Variants in NREP observed in about 807,000 individuals in gnomAD.
NREP encodes neuronal regeneration related protein, also known as neuronal regeneration-related protein.
Under a neutral mutation model 8.6 loss-of-function variants are expected in NREP, and 5 were observed. The ratio of observed to expected loss-of-function variants is 0.58; its 90% CI spans 0.30 to 1.22. The LOEUF (loss-of-function observed/expected upper bound fraction) is 1.22. Ranked by LOEUF, NREP falls within the 50% of genes most tolerant of loss-of-function variation. The pLI, the probability that NREP is intolerant of heterozygous loss-of-function variation, is 0.07. For missense variants in NREP, 86 were observed against 82.5 expected (o/e 1.04, Z -0.17); for synonymous variants, 27 against 28.0 (o/e 0.96, Z 0.11).
At chr5:111,756,056 G>A (rs1182717505) in intron 1 of NREP, 5 of 1,241,076 alleles carry the variant, frequency 4.0e-6, no homozygotes, top group Non-Finnish European at 5.1e-6. Flanking sequence ...AGAGTCCTGG[G>A]CTATTCTTAG....
At chr5:111,762,953 G>C (rs1311916123) in intron 2 of NREP, among the ~76,000 whole-genome samples, 1 of 152,216 alleles carries the variant, frequency 6.6e-6, no homozygotes, top group Non-Finnish European at 1.5e-5. Flanking sequence ...TCCAAACCCA[G>C]AAGGTTGCTT....
intron 2 of NREP, among the ~76,000 whole-genome samples, chr5:111,919,875 GAAAGAAAGAA>G (rs1561346129): frequency 5.3e-5 from 7 of 132,694 alleles, no homozygotes; most frequent in African/African-American, 1.9e-4. Flanking sequence ...GAGAGAGAAA[GAAAGAAAGAA>G]AGAAAGAAAG....
chr5:111,740,144 T>C (rs1749524477), intron 2 of NREP, among the ~76,000 whole-genome samples: 1 of 152,178 alleles, frequency 6.6e-6, no homozygotes, highest in African/African-American at 2.4e-5. Flanking sequence ...AATGCATCTT[T>C]TTCTATGATG....
In NREP at chr5:111,747,160, T is replaced by C. The variant is rs191652695; in HGVS notation, c.3+8610A>G. ...TAATATCAAACCCTTACTTGGGTCA[T>C]GTTTATAAGCACCTTAGTCAATAAG... On this transcript the variant is annotated intron_variant, in intron 2 of 3. Coordinates refer to ENST00000257435, the MANE Select transcript of NREP (RefSeq NM_004772.4). 2.6e-3 allele frequency among the ~76,000 whole-genome samples: 393 copies of C among 152,290 alleles called. 2 individuals carry two copies. The highest frequency in any genetic ancestry group is 9.2e-3 in the African/African-American group (382 of 41,570).
intron 2 of NREP, among the ~76,000 whole-genome samples, chr5:111,902,574 C>A (rs1056948683): frequency 1.4e-4 from 22 of 152,174 alleles, no homozygotes; most frequent in African/African-American, 5.1e-4. Context: ...GCAGACTGTT[C>A]AAGAGCAAAG....
intron 2 of NREP, among the ~76,000 whole-genome samples, chr5:111,907,700 T>C (rs1463643952): frequency 6.6e-6 from 1 of 152,098 alleles, no homozygotes; most frequent in Non-Finnish European, 1.5e-5. Context: ...ATTGTAAAAT[T>C]CTGCTGTTCC....
At chr5:111,839,831 C>T (rs1249647577) in intron 2 of NREP, among the ~76,000 whole-genome samples, 1 of 151,808 alleles carries the variant, frequency 6.6e-6, no homozygotes. Flanking sequence ...TTACAAAGCC[C>T]TTTCACATAT....
At chr5:111,917,396 C>T (rs1581216758) in intron 2 of NREP, among the ~76,000 whole-genome samples, 1 of 151,972 alleles carries the variant, frequency 6.6e-6, no homozygotes, top group Non-Finnish European at 1.5e-5. Context: ...ACCTGGCAGA[C>T]ACACAACAAA....
chr5:111,897,604 G>A (rs904487476), intron 2 of NREP, among the ~76,000 whole-genome samples: 2 of 152,006 alleles, frequency 1.3e-5, no homozygotes, highest in Admixed American at 1.3e-4. Flanking sequence ...CTTCTTTGAT[G>A]TCATCCTAAC....
At chr5:111,886,372 T>A (rs1489415013) in intron 2 of NREP, among the ~76,000 whole-genome samples, 12 of 151,706 alleles carry the variant, frequency 7.9e-5, no homozygotes, top group Non-Finnish European at 1.8e-4. Context: ...ACACTGTTGG[T>A]GGGACTGTAA....
intron 2 of NREP, among the ~76,000 whole-genome samples, chr5:111,929,935 T>C (rs1052015120): frequency 6.6e-6 from 1 of 152,194 alleles, no homozygotes; most frequent in Admixed American, 6.5e-5. Flanking sequence ...ATTCCTTCAT[T>C]TCCTTTCCTT....
intron 2 of NREP, among the ~76,000 whole-genome samples, chr5:111,800,170 C>T (rs1041059720): frequency 9.9e-5 from 15 of 151,140 alleles, no homozygotes; most frequent in South Asian, 4.2e-4. Flanking sequence ...CCTTGTGATT[C>T]GCCCGCCTCG....
chr5:111,745,330 C>G (rs1749932515), intron 2 of NREP, among the ~76,000 whole-genome samples: 1 of 152,160 alleles, frequency 6.6e-6, no homozygotes, highest in African/African-American at 2.4e-5. Flanking sequence ...GAGGAAAGAC[C>G]AGTCTTAGAG....
intron 2 of NREP, among the ~76,000 whole-genome samples, chr5:111,762,788 G>T (rs888019881): frequency 6.6e-6 from 1 of 152,156 alleles, no homozygotes; most frequent in Non-Finnish European, 1.5e-5. Flanking sequence ...CTTTGTTATC[G>T]CAACCGTGGG....
intron 2 of NREP, among the ~76,000 whole-genome samples, chr5:111,963,996 C>T (rs1756557042): frequency 6.6e-6 from 1 of 152,166 alleles, no homozygotes; most frequent in South Asian, 2.1e-4. Context: ...AATAATAATG[C>T]AAGCACTTGT....
chr5:111,914,812 C>T (rs956248270), intron 2 of NREP, among the ~76,000 whole-genome samples: 1 of 152,150 alleles, frequency 6.6e-6, no homozygotes, highest in Non-Finnish European at 1.5e-5. Flanking sequence ...TAAGGTTGAA[C>T]GTTTGTCTTA....
chr5:111,941,149 G>A lies in NREP; in HGVS notation c.135+34125C>T, dbSNP rs991932724. On this transcript the variant is annotated intron_variant, in intron 2 of 3. Coordinates refer to the NREP transcript ENST00000395634. ...GGACATCAAACTTTTCTTTCACAAA[G>A]GAATTGTAAATAGGCATTCAATTGC... is the stretch of plus-strand genomic sequence containing the variant. 3.3e-5 allele frequency among the ~76,000 whole-genome samples: 5 copies of A among 152,032 alleles called. 1 individual carries two copies. The highest frequency in any genetic ancestry group is 1.2e-4 in the African/African-American group (5 of 41,414).
At chr5:111,834,671 G>A (rs1752851887) in intron 2 of NREP, among the ~76,000 whole-genome samples, 1 of 152,150 alleles carries the variant, frequency 6.6e-6, no homozygotes, top group African/African-American at 2.4e-5. Flanking sequence ...GAGTTGAAGA[G>A]CCAGTTTTGC....
At chr5:111,731,521 T>A (rs1748576674) in intron 3 of NREP, among the ~76,000 whole-genome samples, 2 of 152,064 alleles carry the variant, frequency 1.3e-5, no homozygotes, top group African/African-American at 4.8e-5. Context: ...AAAACGTATC[T>A]CAACTTGCAT....
Sources: allele counts gnomAD v4.1 joint callset (sites outside exome capture counted in the v4.1 genomes callset), GRCh38; gene constraint gnomAD v4.1.1; transcripts MANE v1.5; gene names NCBI Gene and HGNC (gene_info 2026-07-23, HGNC 2026-07-21).